SRGAP2: variants seen among roughly 807,000 people sequenced by gnomAD.
SRGAP2 encodes SLIT-ROBO Rho GTPase-activating protein 2.
A neutral mutation model predicts 57.2 loss-of-function variants in SRGAP2; 15 were observed. The ratio of observed to expected loss-of-function variants is 0.26; its 90% CI spans 0.18 to 0.40. The LOEUF (loss-of-function observed/expected upper bound fraction) is 0.40. Ranked by LOEUF, SRGAP2 falls within the 10% of genes least tolerant of loss-of-function variation. The pLI is 1.00. For synonymous variants in SRGAP2, 249 were observed against 248.0 expected (o/e 1.00, Z -0.04); for missense variants, 520 against 669.6 (o/e 0.78, Z 2.47).
intron 3 of SRGAP2, among the ~76,000 whole-genome samples, chr1:206,310,203 G>A (rs1366803267): frequency 1.3e-5 from 2 of 151,378 alleles, no homozygotes; most frequent in Non-Finnish European, 2.9e-5. Context: ...AATTTCATAT[G>A]GTACAGCCTG....
intron 2 of SRGAP2, chr1:206,296,731 C>T (rs1397186197): frequency 6.6e-6 from 1 of 151,578 alleles, no homozygotes; most frequent in Non-Finnish European, 1.5e-5. Context: ...TGTGCCTGGC[C>T]TGTTTTGTGC....
chr1:206,209,512 C>A (rs1484155749), intron 2 of SRGAP2, among the ~76,000 whole-genome samples: 1 of 151,998 alleles, frequency 6.6e-6, no homozygotes, highest in African/African-American at 2.4e-5. Context: ...AGGGGTGTGC[C>A]TCCTTAGTCA....
At chr1:206,366,557 C>T (rs1654034043) in intron 4 of SRGAP2, among the ~76,000 whole-genome samples, 1 of 151,928 alleles carries the variant, frequency 6.6e-6, no homozygotes, top group Non-Finnish European at 1.5e-5. Flanking sequence ...GGCAGGAATG[C>T]AGGAAGGCCT....
intron 4 of SRGAP2, among the ~76,000 whole-genome samples, chr1:206,356,547 C>T (rs1553339350): frequency 6.6e-6 from 1 of 152,186 alleles, no homozygotes; most frequent in African/African-American, 2.4e-5. Flanking sequence ...GTCAGAATTT[C>T]CATTGTGCTA....
chr1:206,209,993 G>C (rs1277205878), intron 2 of SRGAP2, among the ~76,000 whole-genome samples: 136 of 131,758 alleles, frequency 1.0e-3, no homozygotes, highest in Non-Finnish European at 2.2e-4. Flanking sequence ...TGAATCTGCA[G>C]ATATGGAACC....
At chr1:206,327,678 A>G (rs1218630234) in intron 3 of SRGAP2, among the ~76,000 whole-genome samples, 1 of 115,118 alleles carries the variant, frequency 8.7e-6, no homozygotes, top group East Asian at 2.4e-4. Flanking sequence ...TTTTTTATTT[A>G]TTTATTTTTT....
Position 206,393,535 on chromosome 1 carries a change from T to C in SRGAP2, c.703-10T>C, listed in dbSNP as rs782532344. 2 of 777,934 alleles carry C rather than the reference T, an allele frequency of 2.6e-6. No individual in the cohort carries two copies. The highest frequency in any genetic ancestry group is 1.7e-5 in the Admixed American group (1 of 58,726). The allele number at this position is 777,934 out of a possible 1,614,324, so 48.2% of individuals were successfully genotyped here. ...AAAAAGGTAAAAGTGAACTTCTGTT[T>C]CCTTTTCAGCGTCAAGCCAAGTACA... On this transcript the variant is annotated splice_polypyrimidine_tract_variant and intron_variant, in intron 6 of 22. Coordinates refer to ENST00000573034, the MANE Select transcript of SRGAP2 (RefSeq NM_015326.5).
intron 8 of SRGAP2, among the ~76,000 whole-genome samples, chr1:206,404,478 C>T (rs1282197786): frequency 1.3e-5 from 2 of 151,718 alleles, no homozygotes; most frequent in Admixed American, 1.3e-4. Flanking sequence ...CCTCCCAACT[C>T]TCTCAGCCTT....
At chr1:206,423,490 C>T (rs1324980673) in intron 13 of SRGAP2, among the ~76,000 whole-genome samples, 5 of 152,136 alleles carry the variant, frequency 3.3e-5, no homozygotes, top group African/African-American at 9.7e-5. Context: ...TCAGTCTCAC[C>T]GTCCCCCATC....
At chr1:206,422,415 C>G (rs920873713) in intron 13 of SRGAP2, among the ~76,000 whole-genome samples, 9 of 152,232 alleles carry the variant, frequency 5.9e-5, no homozygotes, top group Admixed American at 5.9e-4. Context: ...AGTCTCCTCC[C>G]TCTTTTTCCT....
At chr1:206,218,049 C>G (rs569425101) in intron 2 of SRGAP2, among the ~76,000 whole-genome samples, 226 of 152,032 alleles carry the variant, frequency 1.5e-3, no homozygotes, top group African/African-American at 5.2e-3. Flanking sequence ...TGGCTCAAGC[C>G]TGTAATCCCA....
chr1:206,221,417 G>A (rs1242537192), intron 2 of SRGAP2, among the ~76,000 whole-genome samples: 2 of 151,892 alleles, frequency 1.3e-5, no homozygotes, highest in African/African-American at 4.8e-5. Flanking sequence ...TCTGGAGGCT[G>A]GGAAGTCCAA....
chr1:206,267,031 C>T (rs1395535243), intron 2 of SRGAP2, among the ~76,000 whole-genome samples: 3 of 144,894 alleles, frequency 2.1e-5, no homozygotes, highest in Non-Finnish European at 4.5e-5. Context: ...TGCAGTGGCG[C>T]AATCTTGGCT....
In SRGAP2 at chr1:206,209,512, C is replaced by T. The variant is rs1484155749; in HGVS notation, c.67+3475C>T. On this transcript the variant is annotated intron_variant, in intron 2 of 22. Transcript: ENST00000573034. ...CAGAGTGGTTTTATGAGGGGTGTGC[C>T]TCCTTAGTCAGCCTGCCTTGTAGTG... Among the ~76,000 whole-genome samples, 3 of 152,116 alleles carry T rather than the reference C, an allele frequency of 2.0e-5. No individual in the cohort carries two copies. The East Asian group carries it at 5.8e-4, about 29-fold the overall frequency.
At position 206,373,201 on chromosome 1, in the gene SRGAP2, T is replaced by C. The variant is rs533337573; in HGVS notation, c.424-10813T>C. 9.7e-5 allele frequency among the ~76,000 whole-genome samples: 14 copies of C among 144,860 alleles called. No homozygotes were observed. The East Asian group carries it at 2.9e-3, about 30-fold the overall frequency. ...ACCTCTGCCTCCCGGGTTCAAGCAG[T>C]TCTCCCGCCTCAGCCTCCCAGATAG... On this transcript the variant is annotated intron_variant, in intron 4 of 22. Transcript: ENST00000573034.
chr1:206,421,317 T>C, intron 13 of SRGAP2, 43 bp downstream of exon 13: 1 of 762,522 alleles, frequency 1.3e-6, no homozygotes, highest in Middle Eastern at 2.3e-4. Flanking sequence ...CCTGAAAATA[T>C]AGTCCATCCC....
intron 2 of SRGAP2, among the ~76,000 whole-genome samples, chr1:206,267,127 C>G (rs1553314744): frequency 6.6e-6 from 1 of 151,960 alleles, no homozygotes; most frequent in Non-Finnish European, 1.5e-5. Flanking sequence ...CACCACCACG[C>G]CGGGCTAATT....
Position 206,361,417 on chromosome 1 carries a change from C to G in SRGAP2, c.423+18409C>G, listed in dbSNP as rs567210065. On this transcript the variant is annotated intron_variant, in intron 4 of 22. Transcript: ENST00000573034. ...TGACTTTCCCAGACTCCCATATGCC[C>G]ATCTATAAACTGAACAAGAAGCATA... Among the ~76,000 whole-genome samples, 7 of 151,140 alleles carry G rather than the reference C, an allele frequency of 4.6e-5. No homozygotes were observed. The South Asian group carries it at 1.2e-3, about 27-fold the overall frequency.
intron 17 of SRGAP2, among the ~76,000 whole-genome samples, chr1:206,445,011 G>A (rs533234880): frequency 1.3e-5 from 2 of 152,316 alleles, no homozygotes; most frequent in African/African-American, 2.4e-5. Flanking sequence ...CTGGATGAGG[G>A]GTACACTACA....
Sources: gnomAD v4.1 joint callset for allele counts (sites outside exome capture counted in the v4.1 genomes callset) on GRCh38, gnomAD v4.1.1 for gene constraint, MANE v1.5 for transcripts, NCBI Gene and HGNC (gene_info 2026-07-23, HGNC 2026-07-21) for gene names.